The following MMP16 variants were observed in gnomAD, a reference collection of about 807,000 sequenced individuals.
MMP16 encodes matrix metalloproteinase-16.
MMP16 carries 12 observed loss-of-function variants against 67.8 expected under a neutral mutation model. The observed-to-expected ratio is 0.18, with a 90% CI of 0.11 to 0.29. MMP16 has a LOEUF of 0.29. Ranked by LOEUF, MMP16 falls within the 10% of genes least tolerant of loss-of-function variation. The pLI, the probability that MMP16 is intolerant of heterozygous loss-of-function variation, is 1.00. For missense variants in MMP16, 475 were observed against 765.7 expected (o/e 0.62, Z 4.48); for synonymous variants, 249 against 255.9 (o/e 0.97, Z 0.26).
chr8:88,167,574 AG>A, intron 4 of MMP16, 94 bp downstream of exon 4: 1 of 1,216,638 alleles, frequency 8.2e-7, no homozygotes, highest in Non-Finnish European at 1.1e-6. Flanking sequence ...AAGTAAATTT[AG>A]GATCTATACC....
chr8:88,123,635 T>C (rs1807878312), intron 4 of MMP16, among the ~76,000 whole-genome samples: 2 of 151,920 alleles, frequency 1.3e-5, no homozygotes, highest in South Asian at 4.1e-4. Flanking sequence ...TGAAACATCA[T>C]GACCTAAACA....
intron 1 of MMP16, among the ~76,000 whole-genome samples, chr8:88,256,700 ACAC>A (rs1421200058): frequency 6.6e-6 from 1 of 150,980 alleles, no homozygotes; most frequent in African/African-American, 2.4e-5. Context: ...ACACACACAC[ACAC>A]CCCACACACA....
chr8:88,326,594 T>C (rs1811542221), intron 1 of MMP16, among the ~76,000 whole-genome samples: 1 of 152,192 alleles, frequency 6.6e-6, no homozygotes, highest in Non-Finnish European at 1.5e-5. Flanking sequence ...AGTAATGTTA[T>C]TAAACACATC....
At chr8:88,159,008 C>G (rs1808565180) in intron 4 of MMP16, among the ~76,000 whole-genome samples, 1 of 152,094 alleles carries the variant, frequency 6.6e-6, no homozygotes, top group South Asian at 2.1e-4. Context: ...GGGCTCTGTT[C>G]TGTTCCATTT....
At chr8:88,197,519 C>A (rs1809276188) in intron 1 of MMP16, among the ~76,000 whole-genome samples, 1 of 151,744 alleles carries the variant, frequency 6.6e-6, no homozygotes, top group African/African-American at 2.4e-5. Flanking sequence ...TTTGACATAC[C>A]TTCTAATGTT....
rs1453332081 is a variant in MMP16, at chr8:88,037,444, C to G, written c.*4017G>C. ...GTAAACCAGTCTGTATCTTTTATTA[C>G]TTAGTAATTATTTTTGGTAATCATT... On this transcript the variant is annotated 3_prime_UTR_variant, in exon 10 of 10. Coordinates refer to ENST00000286614, the MANE Select transcript of MMP16 (RefSeq NM_005941.5). The G allele has an allele frequency of 2.6e-5, 4 of 151,844 alleles. No individual in the cohort carries two copies. Among genetic ancestry groups the G allele is most frequent in the Non-Finnish European group, 5.9e-5 (4 of 67,834 alleles). 9.4% of individuals were successfully genotyped at this position (151,844 alleles called of 1,614,324 possible). A position where few individuals can be genotyped will look rare whatever the true frequency, so the allele number is the denominator to read the frequency against.
chr8:88,063,665 G>A (rs558969746), intron 7 of MMP16, among the ~76,000 whole-genome samples: 17 of 151,982 alleles, frequency 1.1e-4, no homozygotes, highest in Non-Finnish European at 2.5e-4. Flanking sequence ...ACAGGTCAAA[G>A]AAGTGGTGTG....
chr8:88,190,542 T>TA lies in MMP16; in HGVS notation c.282-3945dup, dbSNP rs1242882666. ...TGGCATGCTAATGTTTTTATTCAGT[T>TA]AGAGTCTGGCAGTCAGGTTCATTTC... On this transcript the variant is annotated intron_variant, in intron 2 of 9. Transcript: ENST00000286614. Among the ~76,000 whole-genome samples the TA allele has an allele frequency of 6.6e-5, 10 of 152,334 alleles. 1 individual carries two copies. The highest frequency in any genetic ancestry group is 1.4e-4 in the African/African-American group (6 of 41,584).
At chr8:88,079,807 C>T (rs983266549) in intron 6 of MMP16, among the ~76,000 whole-genome samples, 4 of 152,134 alleles carry the variant, frequency 2.6e-5, no homozygotes, top group Non-Finnish European at 5.9e-5. Context: ...AGCTGCACTG[C>T]CCCCTCCACT....
chr8:88,139,486 A>G (rs1008498553), intron 4 of MMP16, among the ~76,000 whole-genome samples: 12 of 152,162 alleles, frequency 7.9e-5, no homozygotes, highest in African/African-American at 2.9e-4. Flanking sequence ...GAAAGAAAAA[A>G]GAGACATGCC....
chr8:88,241,362 C>T (rs1810030618), intron 1 of MMP16, among the ~76,000 whole-genome samples: 1 of 151,956 alleles, frequency 6.6e-6, no homozygotes, highest in East Asian at 1.9e-4. Flanking sequence ...ATTGCATTAT[C>T]AGAAATATGC....
chr8:88,218,809 A>G (rs189777572), intron 1 of MMP16, among the ~76,000 whole-genome samples: 162 of 152,214 alleles, frequency 1.1e-3, no homozygotes, highest in African/African-American at 3.9e-3. Context: ...ATAATATGGT[A>G]TCAAATTAAA....
intron 1 of MMP16, among the ~76,000 whole-genome samples, chr8:88,221,726 A>AT (rs1809686416): frequency 1.3e-5 from 2 of 152,222 alleles, no homozygotes; most frequent in Admixed American, 1.3e-4. Context: ...ATAAGAGAAG[A>AT]TTTTTTAAAA....
intron 1 of MMP16, among the ~76,000 whole-genome samples, chr8:88,202,518 T>G (rs1350662767): frequency 2.0e-5 from 3 of 152,164 alleles, no homozygotes; most frequent in African/African-American, 7.2e-5. Flanking sequence ...CATTATGTGC[T>G]AGTCATCAGG....
At chr8:88,072,603 G>A (rs928265708) in intron 7 of MMP16, among the ~76,000 whole-genome samples, 5 of 152,198 alleles carry the variant, frequency 3.3e-5, no homozygotes, top group African/African-American at 7.2e-5. Context: ...GGACAAAAAC[G>A]AAATTATTGC....
chr8:88,169,631 C>G (rs1808767791), intron 3 of MMP16, among the ~76,000 whole-genome samples: 1 of 152,008 alleles, frequency 6.6e-6, no homozygotes, highest in Non-Finnish European at 1.5e-5. Context: ...TTATTCATTA[C>G]ATAAAAGAAA....
chr8:88,140,634 A>AT (rs1019195385), intron 4 of MMP16, among the ~76,000 whole-genome samples: 5 of 152,170 alleles, frequency 3.3e-5, no homozygotes, highest in South Asian at 2.1e-4. Context: ...CTACTGAATG[A>AT]TTTTTTTGGT....
At chr8:88,051,268 T>G (rs1400533781) in intron 8 of MMP16, among the ~76,000 whole-genome samples, 1 of 152,162 alleles carries the variant, frequency 6.6e-6, no homozygotes, top group Non-Finnish European at 1.5e-5. Flanking sequence ...TTCTTCCCCC[T>G]GAAAAATAAG....
At position 88,136,396 on chromosome 8, in the gene MMP16, A is replaced by G. The variant is rs1808119437; in HGVS notation, c.710-17535T>C. Among the ~76,000 whole-genome samples the G allele has an allele frequency of 2.6e-5, 4 of 151,762 alleles. No homozygotes were observed. In the Admixed American group the frequency reaches 2.6e-4, roughly 10 times the overall value. ...AAACTTTAATTTTCATTAATGTAAA[A>G]TGTACATACTATAAAACTGCACAAA... On this transcript the variant is annotated intron_variant, in intron 4 of 9. Transcript: ENST00000286614.
Sources: allele counts gnomAD v4.1 joint callset (sites outside exome capture counted in the v4.1 genomes callset), GRCh38; gene constraint gnomAD v4.1.1; transcripts MANE v1.5; gene names NCBI Gene and HGNC (gene_info 2026-07-23, HGNC 2026-07-21).